Variants in GPC5 observed in about 807,000 individuals in gnomAD.
GPC5 encodes the protein glypican 5.
In GPC5, 47 loss-of-function variants were observed where a neutral mutation model predicts 53.9. That is an observed-to-expected ratio of 0.87 (90% CI 0.69 to 1.11). GPC5 has a LOEUF of 1.11. GPC5 is among the 50% of genes most tolerant of loss of function. GPC5 has a pLI of 0.00. For synonymous variants in GPC5, 286 were observed against 263.3 expected (o/e 1.09, Z -0.84); for missense variants, 748 against 713.1 (o/e 1.05, Z -0.56).
At chr13:92,798,512 C>A (rs1876785451) in intron 7 of GPC5, among the ~76,000 whole-genome samples, 1 of 151,768 alleles carries the variant, frequency 6.6e-6, no homozygotes, top group South Asian at 2.1e-4. Context: ...ATTCAGTTTG[C>A]CATGTGTGAT....
chr13:92,040,690 T>C (rs2040934956), intron 6 of GPC5, among the ~76,000 whole-genome samples: 1 of 152,176 alleles, frequency 6.6e-6, no homozygotes. Flanking sequence ...TACTCCTGAT[T>C]CGCCAAAAAT....
intron 7 of GPC5, among the ~76,000 whole-genome samples, chr13:92,682,004 T>G (rs1887125826): frequency 6.6e-6 from 1 of 152,194 alleles, no homozygotes; most frequent in Non-Finnish European, 1.5e-5. Context: ...CCACTGGCTT[T>G]GAGAAACTTG....
At position 92,632,463 on chromosome 13, in the gene GPC5, C is replaced by CATATATATATAT. The variant is rs34336057; in HGVS notation, c.1562-233807_1562-233796dup. On this transcript the variant is annotated intron_variant, in intron 7 of 7. Transcript: ENST00000377067. ...TTCTTTTGGAGGAGAAAATATTCCA[C>CATATATATATAT]ATATATATATATATATATATATACA... Among the ~76,000 whole-genome samples the CATATATATATAT allele has an allele frequency of 9.8e-4, 118 of 120,078 alleles. 2 individuals carry two copies. Among genetic ancestry groups the CATATATATATAT allele is most frequent in the East Asian group, 4.7e-3 (18 of 3,836 alleles). 78.8% of individuals were successfully genotyped at this position (120,078 alleles called of 152,430 possible).
At chr13:92,541,795 G>A (rs775588606) in intron 7 of GPC5, among the ~76,000 whole-genome samples, 1 of 151,630 alleles carries the variant, frequency 6.6e-6, no homozygotes, top group Non-Finnish European at 1.5e-5. Context: ...ATTCATTTTT[G>A]TGTCATGTAA....
intron 5 of GPC5, among the ~76,000 whole-genome samples, chr13:91,887,356 T>C (rs1299888975): frequency 6.6e-6 from 1 of 152,160 alleles, no homozygotes; most frequent in African/African-American, 2.4e-5. Context: ...CATTTTTTCC[T>C]CCTAGGCTTT....
intron 6 of GPC5, among the ~76,000 whole-genome samples, chr13:92,051,951 G>A (rs553513039): frequency 6.6e-6 from 1 of 152,164 alleles, no homozygotes. Flanking sequence ...TGCTTTTATA[G>A]TTCCAAACCT....
At chr13:92,013,879 T>TA (rs2040683605) in intron 6 of GPC5, among the ~76,000 whole-genome samples, 1 of 152,188 alleles carries the variant, frequency 6.6e-6, no homozygotes, top group South Asian at 2.1e-4. Flanking sequence ...TAAAGCTTCA[T>TA]AAATCAAAAT....
chr13:92,027,655 A>G (rs1437133433), intron 6 of GPC5, among the ~76,000 whole-genome samples: 1 of 152,304 alleles, frequency 6.6e-6, no homozygotes, highest in Non-Finnish European at 1.5e-5. Flanking sequence ...CCTTTAACTA[A>G]TTTTGTTTTT....
intron 7 of GPC5, among the ~76,000 whole-genome samples, chr13:92,419,264 A>G (rs928466150): frequency 1.3e-5 from 2 of 152,202 alleles, no homozygotes; most frequent in South Asian, 4.1e-4. Context: ...CAGCAGCTAC[A>G]GCCCAGCAGT....
intron 6 of GPC5, among the ~76,000 whole-genome samples, chr13:92,118,679 G>C (rs2041620058): frequency 6.6e-6 from 1 of 152,128 alleles, no homozygotes; most frequent in South Asian, 2.1e-4. Flanking sequence ...CCCTGTTACA[G>C]ATCACTATTG....
Position 91,554,487 on chromosome 13 carries a change from G to T in GPC5, c.325+105565G>T, listed in dbSNP as rs998925014. Among the ~76,000 whole-genome samples, 3 of 152,054 alleles carry T rather than the reference G, an allele frequency of 2.0e-5. 1 individual carries two copies. The highest frequency in any genetic ancestry group is 1.3e-4 in the Admixed American group (2 of 15,234). On this transcript the variant is annotated intron_variant, in intron 2 of 7. Transcript: ENST00000377067. ...AGGGGCAAAGTTTCAGTTTTAAGTG[G>T]TAAAAAAGCAGTTTGTGATGGATCT...
chr13:92,727,157 T>C (rs1211278079), intron 7 of GPC5, among the ~76,000 whole-genome samples: 3 of 151,520 alleles, frequency 2.0e-5, no homozygotes, highest in Non-Finnish European at 4.4e-5. Context: ...CTGTTTTATG[T>C]CAACCACGCT....
intron 7 of GPC5, among the ~76,000 whole-genome samples, chr13:92,293,519 G>T (rs577231970): frequency 7.2e-6 from 1 of 138,464 alleles, no homozygotes; most frequent in Non-Finnish European, 1.5e-5. Context: ...TGTAAGAAAA[G>T]ATACTTGTTT....
At chr13:92,635,177 A>G (rs1004619344) in intron 7 of GPC5, among the ~76,000 whole-genome samples, 20 of 152,150 alleles carry the variant, frequency 1.3e-4, no homozygotes, top group Non-Finnish European at 2.8e-4. Flanking sequence ...CTATGTATAT[A>G]TGTGTATATA....
chr13:92,036,248 G>T (rs1038149604), intron 6 of GPC5, among the ~76,000 whole-genome samples: 1 of 152,126 alleles, frequency 6.6e-6, no homozygotes, highest in Non-Finnish European at 1.5e-5. Context: ...TTACAGCATT[G>T]CTATTTATCT....
chr13:91,499,490 T>C (rs1461201083), intron 2 of GPC5, among the ~76,000 whole-genome samples: 1 of 152,234 alleles, frequency 6.6e-6, no homozygotes, highest in Non-Finnish European at 1.5e-5. Context: ...CATATCTTCC[T>C]GCCCTAGTAA....
At chr13:91,414,289 A>G (rs1332094928) in intron 1 of GPC5, among the ~76,000 whole-genome samples, 1 of 152,156 alleles carries the variant, frequency 6.6e-6, no homozygotes, top group Non-Finnish European at 1.5e-5. Flanking sequence ...TTTGCGCGGC[A>G]TTTACTCTGT....
chr13:92,492,791 T>C (rs1303358073), intron 7 of GPC5, among the ~76,000 whole-genome samples: 4 of 152,326 alleles, frequency 2.6e-5, no homozygotes, highest in African/African-American at 9.6e-5. Context: ...AGAAATAAAT[T>C]TGCCTTTTTT....
intron 6 of GPC5, among the ~76,000 whole-genome samples, chr13:92,131,018 T>A (rs1443667315): frequency 6.6e-6 from 1 of 151,814 alleles, no homozygotes; most frequent in Non-Finnish European, 1.5e-5. Context: ...ATTCAGAAAA[T>A]CTATTTTTTA....
Sources: gnomAD v4.1 joint callset for allele counts (sites outside exome capture counted in the v4.1 genomes callset) on GRCh38, gnomAD v4.1.1 for gene constraint, MANE v1.5 for transcripts, NCBI Gene and HGNC (gene_info 2026-07-23, HGNC 2026-07-21) for gene names.